LRRC49: variants seen among roughly 807,000 people sequenced by gnomAD.
LRRC49 encodes leucine-rich repeat-containing protein 49.
Under a neutral mutation model 83.3 loss-of-function variants are expected in LRRC49, and 50 were observed. The ratio of observed to expected loss-of-function variants is 0.60; its 90% CI spans 0.48 to 0.76. The LOEUF (loss-of-function observed/expected upper bound fraction) is 0.76. Ranked by LOEUF, LRRC49 falls within the 30% of genes least tolerant of loss-of-function variation. The probability of loss-of-function intolerance (pLI) is 0.00; values close to 1 mark genes in which losing one functional copy is unlikely to be tolerated. For missense variants in LRRC49, 704 were observed against 809.1 expected, an observed-to-expected ratio of 0.87 and a Z score of 1.58; for synonymous variants, 286 against 283.3, an observed-to-expected ratio of 1.01 and a Z score of -0.10.
intron 8 of LRRC49, among the ~76,000 whole-genome samples, chr15:70,949,860 A>G (rs1596057011): frequency 6.6e-6 from 1 of 152,158 alleles, no homozygotes; most frequent in East Asian, 1.9e-4. Flanking sequence ...GGTTTGTTAC[A>G]TGGGTAAATT....
At chr15:70,926,562 C>T (rs2035206774) in intron 7 of LRRC49, among the ~76,000 whole-genome samples, 1 of 151,880 alleles carries the variant, frequency 6.6e-6, no homozygotes, top group Non-Finnish European at 1.5e-5. Context: ...TACATGTGCA[C>T]AACGTGTAGG....
chr15:70,964,659 G>A (rs150365227), intron 9 of LRRC49, among the ~76,000 whole-genome samples: 1 of 152,172 alleles, frequency 6.6e-6, no homozygotes, highest in African/African-American at 2.4e-5. Context: ...CATATTATAG[G>A]ATCCAAGAAG....
At chr15:70,959,536 G>A (rs1021631516) in intron 8 of LRRC49, among the ~76,000 whole-genome samples, 2 of 79,552 alleles carry the variant, frequency 2.5e-5, no homozygotes, top group African/African-American at 1.1e-4. Context: ...GAGGAAAGGA[G>A]GGAAGGAAGG....
chr15:70,903,103 G>T (rs1435131269), intron 4 of LRRC49, among the ~76,000 whole-genome samples: 1 of 152,120 alleles, frequency 6.6e-6, no homozygotes, highest in Non-Finnish European at 1.5e-5. Context: ...TGAAATAGAA[G>T]TTGGGGGGTA....
chr15:70,968,219 G>A (rs944983303), intron 9 of LRRC49, among the ~76,000 whole-genome samples: 3 of 151,988 alleles, frequency 2.0e-5, no homozygotes, highest in Non-Finnish European at 2.9e-5. Context: ...CTCCCATTAT[G>A]AATGAGAACA....
intron 12 of LRRC49, among the ~76,000 whole-genome samples, chr15:71,009,168 C>T (rs1035999756): frequency 1.3e-5 from 2 of 151,764 alleles, no homozygotes; most frequent in Admixed American, 1.3e-4. Context: ...AAGAGACTTC[C>T]CTCACCTGCC....
At chr15:70,872,967 C>A in exon 2 of LRRC49, 1 of 488,412 alleles carries the variant, frequency 2.0e-6, no homozygotes, top group South Asian at 2.2e-5. Context: ...CTCACTGCAA[C>A]CTCCACCTCC....
At chr15:70,999,371 C>T (rs2038183653) in intron 11 of LRRC49, among the ~76,000 whole-genome samples, 1 of 151,942 alleles carries the variant, frequency 6.6e-6, no homozygotes, top group South Asian at 2.1e-4. Flanking sequence ...CTAATTATTT[C>T]TGTGAAGACT....
At chr15:70,894,450 A>AT (rs1033151386) in intron 2 of LRRC49, 28 of 337,606 alleles carry the variant, frequency 8.3e-5, no homozygotes, top group African/African-American at 5.2e-4. Context: ...TGAATATGAG[A>AT]TTTTTTTCCC....
chr15:70,934,033 C>T (rs1247950608), intron 7 of LRRC49, among the ~76,000 whole-genome samples: 1 of 152,120 alleles, frequency 6.6e-6, no homozygotes, highest in Non-Finnish European at 1.5e-5. Context: ...AGCCTCCTGT[C>T]CCCTGTCTAA....
At chr15:70,912,523 T>C (rs1377005919) in intron 6 of LRRC49, among the ~76,000 whole-genome samples, 12 of 152,098 alleles carry the variant, frequency 7.9e-5, no homozygotes. Flanking sequence ...TTGTCAGACT[T>C]CTTAATTTTT....
In LRRC49 at chr15:71,008,389, T is replaced by C. The variant is rs2038534479; in HGVS notation, c.1180T>C (p.Ser394Pro). Residue 394 changes from serine (S) to proline (P), a missense_variant, in exon 12 of 16, where the codon TCA becomes CCA. Physicochemically the swap from Ser to Pro is moderately conservative, Grantham distance 74 (BLOSUM62 -1). Coordinates refer to ENST00000260382, the MANE Select transcript of LRRC49 (RefSeq NM_017691.5). ...CTTTGGGTTTTCCAGGCCTCTAGAC[T>C]CAGGACTCAACAATGCTTTACAAGG... Reference protein sequence around the residue: ...AFPEETGPLDSGLNNALQGLS... With the variant: ...AFPEETGPLDPGLNNALQGLS... 3 of 1,610,732 alleles carry C rather than the reference T, an allele frequency of 1.9e-6. No individual in the cohort carries two copies. The highest frequency in any genetic ancestry group is 2.5e-6 in the Non-Finnish European group (3 of 1,177,486).
chr15:71,004,617 T>C (rs1167859431), intron 11 of LRRC49, among the ~76,000 whole-genome samples: 1 of 146,786 alleles, frequency 6.8e-6, no homozygotes, highest in African/African-American at 2.6e-5. Context: ...GCCACTGCAC[T>C]CCAGCCTGGG....
chr15:71,002,312 T>TGG (rs34495237), intron 11 of LRRC49, among the ~76,000 whole-genome samples: 175 of 151,646 alleles, frequency 1.2e-3, no homozygotes, highest in Middle Eastern at 0.01. Flanking sequence ...CTTTGGCTTA[T>TGG]GGGGGGGGCG....
At chr15:70,860,867 A>T (rs187825028) in intron 1 of LRRC49, among the ~76,000 whole-genome samples, 377 of 152,346 alleles carry the variant, frequency 2.5e-3, no homozygotes, top group Middle Eastern at 3.4e-3. Flanking sequence ...GCATATTGGT[A>T]TAATCATGTA....
At chr15:71,020,693 A>G (rs2038966884) in intron 14 of LRRC49, among the ~76,000 whole-genome samples, 1 of 152,246 alleles carries the variant, frequency 6.6e-6, no homozygotes, top group South Asian at 2.1e-4. Context: ...GGAAATTACC[A>G]ACCTAGAATT....
At chr15:70,959,590 G>GGA (rs2036533852) in intron 8 of LRRC49, among the ~76,000 whole-genome samples, 1 of 135,990 alleles carries the variant, frequency 7.4e-6, no homozygotes, top group Non-Finnish European at 1.6e-5. Flanking sequence ...AGGAAGGAAG[G>GGA]AAGGAAGGAA....
At chr15:71,000,744 G>A (rs1472507602) in intron 11 of LRRC49, among the ~76,000 whole-genome samples, 1 of 152,122 alleles carries the variant, frequency 6.6e-6, no homozygotes, top group African/African-American at 2.4e-5. Context: ...TACTCTTTTT[G>A]AAGCCTGTCT....
At chr15:70,905,150 A>C (rs1020215960) in intron 5 of LRRC49, among the ~76,000 whole-genome samples, 4 of 152,146 alleles carry the variant, frequency 2.6e-5, no homozygotes, top group Admixed American at 2.6e-4. Context: ...TGATTATCTC[A>C]CAAATTGATT....
Sources: allele counts gnomAD v4.1 joint callset (sites outside exome capture counted in the v4.1 genomes callset), GRCh38; gene constraint gnomAD v4.1.1; transcripts MANE v1.5; gene names NCBI Gene and HGNC (gene_info 2026-07-23, HGNC 2026-07-21).